Variants in C1orf21 observed in about 807,000 individuals in gnomAD.
C1orf21 encodes chromosome 1 open reading frame 21.
C1orf21 carries 3 observed loss-of-function variants against 18.7 expected under a neutral mutation model. That is an observed-to-expected ratio of 0.16 (90% CI 0.07 to 0.42). C1orf21 has a LOEUF of 0.42. Ranked by LOEUF, C1orf21 falls within the 10% of genes least tolerant of loss-of-function variation. The pLI is 0.99. For missense variants in C1orf21, 104 were observed against 143.6 expected (o/e 0.72, Z 1.41); for synonymous variants, 41 against 46.4 (o/e 0.88, Z 0.47).
intron 1 of C1orf21, among the ~76,000 whole-genome samples, chr1:184,414,509 T>C (rs935737524): frequency 6.6e-6 from 1 of 152,152 alleles, no homozygotes; most frequent in Non-Finnish European, 1.5e-5. Context: ...AGAATCCTCA[T>C]TGAGCATTGG....
chr1:184,507,179 G>A (rs1331305161), intron 2 of C1orf21, among the ~76,000 whole-genome samples: 1 of 152,020 alleles, frequency 6.6e-6, no homozygotes, highest in Admixed American at 6.6e-5. Context: ...AAAATTGTTG[G>A]CACAGGCATT....
At chr1:184,439,201 ACT>A (rs1656906867) in intron 1 of C1orf21, among the ~76,000 whole-genome samples, 1 of 151,678 alleles carries the variant, frequency 6.6e-6, no homozygotes, top group South Asian at 2.1e-4. Context: ...ACAGAGCAAG[ACT>A]CTGTCTCAAA....
chr1:184,459,045 G>C (rs1424254860), intron 1 of C1orf21, among the ~76,000 whole-genome samples: 1 of 152,142 alleles, frequency 6.6e-6, no homozygotes, highest in Non-Finnish European at 1.5e-5. Flanking sequence ...CTTCTATGTA[G>C]ATTGCATTAT....
chr1:184,437,861 A>G (rs1656883275), intron 1 of C1orf21, among the ~76,000 whole-genome samples: 1 of 151,902 alleles, frequency 6.6e-6, no homozygotes. Context: ...GTGATAAGAG[A>G]CAGTGACAGA....
chr1:184,399,399 A>G (rs1043614608), intron 1 of C1orf21, among the ~76,000 whole-genome samples: 17 of 114,792 alleles, frequency 1.5e-4, no homozygotes, highest in African/African-American at 3.1e-4. Flanking sequence ...GTCTGACTCT[A>G]TTGGCCAGGC....
chr1:184,437,785 A>G (rs570542481), intron 1 of C1orf21, among the ~76,000 whole-genome samples: 1 of 152,086 alleles, frequency 6.6e-6, no homozygotes, highest in South Asian at 2.1e-4. Flanking sequence ...TATATAACTC[A>G]CCATAATTTA....
chr1:184,559,505 CCCTTCCTTCCTTCCTTCCTT>C (rs71101933), intron 3 of C1orf21, among the ~76,000 whole-genome samples: 14 of 47,864 alleles, frequency 2.9e-4, no homozygotes, highest in African/African-American at 9.1e-4. Context: ...CTTCCTTCCC[CCCTTCCTTCCTTCCTTCCTT>C]CCTTCCTTCC....
chr1:184,581,269 A>C (rs1659270980), intron 3 of C1orf21, among the ~76,000 whole-genome samples: 1 of 152,094 alleles, frequency 6.6e-6, no homozygotes. Flanking sequence ...TCTACTAAAA[A>C]TACAAAAATT....
chr1:184,424,021 A>G (rs1402440562), intron 1 of C1orf21, among the ~76,000 whole-genome samples: 3 of 152,174 alleles, frequency 2.0e-5, no homozygotes, highest in African/African-American at 4.8e-5. Flanking sequence ...CTTGGTGTCC[A>G]TTATTGAATA....
chr1:184,460,040 C>T (rs2101983281), intron 1 of C1orf21, among the ~76,000 whole-genome samples: 1 of 152,364 alleles, frequency 6.6e-6, no homozygotes, highest in African/African-American at 2.4e-5. Flanking sequence ...AGGGACTCCA[C>T]ACACGGGCTC....
chr1:184,398,277 C>A (rs1288642451), intron 1 of C1orf21, among the ~76,000 whole-genome samples: 3 of 152,140 alleles, frequency 2.0e-5, no homozygotes, highest in Non-Finnish European at 4.4e-5. Flanking sequence ...TATGAGGAAC[C>A]CACTACTGTT....
intron 3 of C1orf21, among the ~76,000 whole-genome samples, chr1:184,524,982 T>C (rs1658357516): frequency 6.6e-6 from 1 of 152,118 alleles, no homozygotes; most frequent in Admixed American, 6.5e-5. Context: ...AGATTACCTC[T>C]TAAAATAACA....
intron 3 of C1orf21, among the ~76,000 whole-genome samples, chr1:184,560,546 C>T (rs1658948471): frequency 6.6e-6 from 1 of 152,142 alleles, no homozygotes. Flanking sequence ...TTACAATATC[C>T]TCCCCCCACC....
intron 3 of C1orf21, among the ~76,000 whole-genome samples, chr1:184,549,205 G>A (rs1325039389): frequency 6.6e-6 from 1 of 152,148 alleles, no homozygotes; most frequent in Non-Finnish European, 1.5e-5. Flanking sequence ...CTGAGACTCA[G>A]TTTTGTCATC....
rs1347572384 is a variant in C1orf21, at chr1:184,620,449, A to G, written c.*893A>G. The G allele has an allele frequency of 6.6e-6, 1 of 152,556 alleles. No individual in the cohort carries two copies. Among genetic ancestry groups the G allele is most frequent in the African/African-American group, 2.4e-5 (1 of 41,416 alleles). The allele number at this position is 152,556 out of a possible 1,614,324, so 9.5% of individuals were successfully genotyped here. On this transcript the variant is annotated 3_prime_UTR_variant, in exon 6 of 6. Coordinates refer to ENST00000235307, the MANE Select transcript of C1orf21 (RefSeq NM_030806.4). ...AGGGCTCCCTACCCTTCCATTAAGA[A>G]TCTACCAAGCATTAGCAAGGCTGAA...
At chr1:184,468,300 C>A (rs1535133) in intron 1 of C1orf21, among the ~76,000 whole-genome samples, 17,161 of 151,974 alleles carry the variant, frequency 0.11, 1,238 homozygotes, top group African/African-American at 0.2. Context: ...TCTCTTCAGA[C>A]CTGAAATAAT....
intron 2 of C1orf21, among the ~76,000 whole-genome samples, chr1:184,491,527 T>C (rs953581858): frequency 3.9e-5 from 6 of 152,164 alleles, no homozygotes; most frequent in African/African-American, 1.4e-4. Flanking sequence ...ATTTTTTGTA[T>C]TTTTAGTAGA....
intron 2 of C1orf21, among the ~76,000 whole-genome samples, chr1:184,482,943 G>T (rs1247250440): frequency 6.6e-6 from 1 of 152,190 alleles, no homozygotes; most frequent in Non-Finnish European, 1.5e-5. Flanking sequence ...GTTCCACCAT[G>T]CAGAATTAAA....
chr1:184,617,972 C>T (rs1033504966), intron 5 of C1orf21, among the ~76,000 whole-genome samples: 11 of 139,888 alleles, frequency 7.9e-5, no homozygotes, highest in African/African-American at 1.1e-4. Context: ...TGCAATGGTG[C>T]GATCTTGGCT....
Sources: gnomAD v4.1 joint callset for allele counts (sites outside exome capture counted in the v4.1 genomes callset) on GRCh38, gnomAD v4.1.1 for gene constraint, MANE v1.5 for transcripts, NCBI Gene and HGNC (gene_info 2026-07-23, HGNC 2026-07-21) for gene names.